The following DPP6 variants were observed in gnomAD, a reference collection of about 807,000 sequenced individuals.
The protein encoded by DPP6 is dipeptidyl peptidase like 6, also known as A-type potassium channel modulatory protein DPP6.
DPP6 carries 69 observed loss-of-function variants against 122.6 expected under a neutral mutation model. The ratio of observed to expected loss-of-function variants is 0.56; its 90% CI spans 0.46 to 0.69. DPP6 has a LOEUF of 0.69. Ranked by LOEUF, DPP6 falls within the 30% of genes least tolerant of loss-of-function variation. The pLI, the probability that DPP6 is intolerant of heterozygous loss-of-function variation, is 0.00. For missense variants in DPP6, 928 were observed against 1,116.9 expected, an observed-to-expected ratio of 0.83 and a Z score of 2.41; for synonymous variants, 418 against 433.1, an observed-to-expected ratio of 0.97 and a Z score of 0.43.
intron 3 of DPP6, among the ~76,000 whole-genome samples, chr7:154,506,224 G>GT (rs35004098): frequency 1.2e-3 from 175 of 149,756 alleles, no homozygotes; most frequent in African/African-American, 2.8e-3. Context: ...TTTACACACA[G>GT]TTTTTTTTTT....
intron 1 of DPP6, among the ~76,000 whole-genome samples, chr7:154,117,474 G>C (rs1807076027): frequency 6.6e-6 from 1 of 152,158 alleles, no homozygotes; most frequent in African/African-American, 2.4e-5. Flanking sequence ...TAGCACAGAT[G>C]CCATTCTTAC....
chr7:154,592,826 T>C (rs1379940796), intron 5 of DPP6, among the ~76,000 whole-genome samples: 1 of 152,128 alleles, frequency 6.6e-6, no homozygotes, highest in Admixed American at 6.6e-5. Context: ...TCACAGCCAC[T>C]TTTTCCCCAG....
chr7:153,911,869 T>G (rs933148477), intron 1 of DPP6, among the ~76,000 whole-genome samples: 1 of 152,232 alleles, frequency 6.6e-6, no homozygotes, highest in African/African-American at 2.4e-5. Context: ...GGCACCAGTT[T>G]AGCATAGTTT....
In DPP6 at chr7:154,127,658, C is replaced by A. The variant is rs560669429; in HGVS notation, c.243+74595C>A. 1.2e-3 allele frequency among the ~76,000 whole-genome samples: 183 copies of A among 149,274 alleles called. 1 individual carries two copies. Among genetic ancestry groups the A allele is most frequent in the African/African-American group, 4.4e-3 (177 of 40,146 alleles). On this transcript the variant is annotated intron_variant, in intron 1 of 25. Transcript: ENST00000377770. ...AGACACACACACACACACAGACACACACACACACACACACACACAAAACAG... is the reference window on the plus strand; with the variant it reads ...AGACACACACACACACACAGACACAAACACACACACACACACACAAAACAG...
chr7:153,879,113 A>G, the DPP6 span, among the ~76,000 whole-genome samples: 1 of 152,054 alleles, frequency 6.6e-6, no homozygotes, highest in Non-Finnish European at 1.5e-5. Flanking sequence ...AGCTGTGGAG[A>G]GTGTGGTGAT....
At chr7:154,060,253 G>A (rs1224535225) in intron 1 of DPP6, among the ~76,000 whole-genome samples, 25 of 132,082 alleles carry the variant, frequency 1.9e-4, no homozygotes, top group African/African-American at 6.6e-4. Context: ...CGCTGGGGGC[G>A]GAGGCACCCC....
the DPP6 span, among the ~76,000 whole-genome samples, chr7:153,832,667 CATATT>C: frequency 3.3e-5 from 4 of 122,604 alleles, no homozygotes; most frequent in Non-Finnish European, 7.2e-5. Flanking sequence ...CCCAGAGTGA[CATATT>C]ATACTGGAAT....
intron 7 of DPP6, among the ~76,000 whole-genome samples, chr7:154,697,240 G>A (rs1840270096): frequency 6.6e-6 from 1 of 152,194 alleles, no homozygotes; most frequent in South Asian, 2.1e-4. Flanking sequence ...TATCCAACTT[G>A]CCTGACTCCA....
At chr7:154,435,456 C>T (rs1467295939) in intron 1 of DPP6, among the ~76,000 whole-genome samples, 1 of 152,168 alleles carries the variant, frequency 6.6e-6, no homozygotes, top group Admixed American at 6.5e-5. Context: ...CCTGCATTTT[C>T]CTCCATCTAC....
At chr7:153,890,775 C>G (rs1390132294) in intron 1 of DPP6, among the ~76,000 whole-genome samples, 1 of 144,780 alleles carries the variant, frequency 6.9e-6, no homozygotes, top group Non-Finnish European at 1.5e-5. Flanking sequence ...TCAGTTCACT[C>G]CTCCCCCAGG....
intron 1 of DPP6, 62 bp downstream of exon 1, chr7:154,053,125 C>G (rs1158781053): frequency 5.0e-6 from 5 of 1,005,284 alleles, no homozygotes; most frequent in Non-Finnish European, 4.8e-6. Context: ...CGCAGCGAGA[C>G]GCGTCGGCAG....
intron 2 of DPP6, among the ~76,000 whole-genome samples, chr7:154,470,871 C>T (rs1237888314): frequency 1.3e-5 from 2 of 152,154 alleles, no homozygotes; most frequent in African/African-American, 4.8e-5. Flanking sequence ...TGTTGCCTTC[C>T]AGTTTAAGAA....
rs972860755 is a variant in DPP6, at chr7:154,794,306, G to A, written c.1260+104G>A. ...TCTCAGCCCTCGGGCCTGGGACTTGGGGACCGGCCGCCCAGCTGCTGCGGG... is the reference window on the plus strand; with the variant it reads ...TCTCAGCCCTCGGGCCTGGGACTTGAGGACCGGCCGCCCAGCTGCTGCGGG... On this transcript the variant is annotated intron_variant, in intron 11 of 25. Coordinates refer to ENST00000377770, the MANE Select transcript of DPP6 (RefSeq NM_130797.4). 4 of 1,384,136 alleles carry A rather than the reference G, an allele frequency of 2.9e-6. No homozygotes were observed. In the African/African-American group the frequency reaches 6.0e-5, roughly 21 times the overall value. 85.7% of individuals were successfully genotyped at this position (1,384,136 alleles called of 1,614,324 possible).
intron 1 of DPP6, among the ~76,000 whole-genome samples, chr7:154,202,849 G>A (rs904549184): frequency 6.6e-6 from 1 of 152,212 alleles, no homozygotes; most frequent in Non-Finnish European, 1.5e-5. Context: ...GCTAAGCACA[G>A]AACCTGGACT....
chr7:154,507,369 A>G (rs537651369), intron 3 of DPP6, among the ~76,000 whole-genome samples: 1 of 152,274 alleles, frequency 6.6e-6, no homozygotes, highest in African/African-American at 2.4e-5. Flanking sequence ...TGCTGCACCC[A>G]TCAACCCGTC....
chr7:153,940,505 A>C (rs1371273647), intron 1 of DPP6, among the ~76,000 whole-genome samples: 1 of 152,178 alleles, frequency 6.6e-6, no homozygotes, highest in African/African-American at 2.4e-5. Context: ...CCCTAATTTT[A>C]TAGCTAGGGG....
rs1037024907 is a variant in DPP6, at chr7:154,826,208, T to G, written c.1666+19096T>G. 5.3e-5 allele frequency among the ~76,000 whole-genome samples: 8 copies of G among 152,370 alleles called. No homozygotes were observed. In the South Asian group the frequency reaches 1.7e-3, roughly 32 times the overall value. ...CTTCAAATAGGAACAAAGAGTTTTA[T>G]GGACACAAAATATGTCTTAAGTAAC... is the stretch of plus-strand genomic sequence containing the variant. On this transcript the variant is annotated intron_variant, in intron 16 of 25. Transcript: ENST00000377770.
chr7:154,758,738 T>TTTTG (rs10680805), intron 8 of DPP6, among the ~76,000 whole-genome samples: 24,829 of 151,916 alleles, frequency 0.16, 2,211 homozygotes, highest in African/African-American at 0.22. Context: ...AACTGCAGGT[T>TTTTG]TTTGTTTGTT....
intron 1 of DPP6, among the ~76,000 whole-genome samples, chr7:154,359,320 A>G (rs1422525676): frequency 2.0e-5 from 3 of 152,132 alleles, no homozygotes; most frequent in African/African-American, 7.2e-5. Context: ...GATAAGGGTT[A>G]GAGATACAGA....
Sources: allele counts gnomAD v4.1 joint callset (sites outside exome capture counted in the v4.1 genomes callset), GRCh38; gene constraint gnomAD v4.1.1; transcripts MANE v1.5; gene names NCBI Gene and HGNC (gene_info 2026-07-23, HGNC 2026-07-21).